Variants in LDLRAD3 observed in about 807,000 individuals in gnomAD.
The protein encoded by LDLRAD3 is low density lipoprotein receptor class A domain containing 3, also known as low-density lipoprotein receptor class A domain-containing protein 3.
LDLRAD3 carries 20 observed loss-of-function variants against 29.4 expected under a neutral mutation model. That is an observed-to-expected ratio of 0.68 (90% confidence interval 0.48 to 0.99). The LOEUF is 0.99. Among genes scored for constraint, LDLRAD3 ranks in the 50% least tolerant of loss-of-function variants. The pLI, the probability that LDLRAD3 is intolerant of heterozygous loss-of-function variation, is 0.00. For synonymous variants in LDLRAD3, 157 were observed against 192.7 expected (o/e 0.81, Z 1.53); for missense variants, 420 against 454.3 (o/e 0.92, Z 0.69).
At chr11:36,141,781 C>A (rs1193276667) in intron 4 of LDLRAD3, among the ~76,000 whole-genome samples, 5 of 152,138 alleles carry the variant, frequency 3.3e-5, no homozygotes, top group Non-Finnish European at 7.4e-5. Context: ...GGAGCACTCT[C>A]CATTACCTGA....
intron 2 of LDLRAD3, among the ~76,000 whole-genome samples, chr11:36,070,861 GCCTGCCCTTGC>G (rs1852889099): frequency 6.6e-6 from 1 of 152,152 alleles, no homozygotes; most frequent in African/African-American, 2.4e-5. Context: ...AAGAGCGAGA[GCCTGCCCTTGC>G]CCTTTGTCAA....
At chr11:36,098,886 GT>G (rs976620255) in intron 4 of LDLRAD3, among the ~76,000 whole-genome samples, 4 of 150,968 alleles carry the variant, frequency 2.6e-5, no homozygotes, top group Non-Finnish European at 5.9e-5. Flanking sequence ...ATGCAGCTGT[GT>G]TTTTTTTTCT....
At chr11:36,042,357 G>A (rs1852393828) in intron 2 of LDLRAD3, among the ~76,000 whole-genome samples, 1 of 152,162 alleles carries the variant, frequency 6.6e-6, no homozygotes, top group African/African-American at 2.4e-5. Context: ...CACACCAAAT[G>A]CCTCTGGAAA....
intron 4 of LDLRAD3, among the ~76,000 whole-genome samples, chr11:36,183,427 T>A (rs1000574038): frequency 6.6e-6 from 1 of 152,240 alleles, no homozygotes; most frequent in African/African-American, 2.4e-5. Flanking sequence ...GTAAAACATG[T>A]TGACCATATT....
chr11:36,101,877 A>T, intron 4 of LDLRAD3: 1 of 331,110 alleles, frequency 3.0e-6, no homozygotes, highest in South Asian at 2.3e-5. Context: ...GATTTGACCC[A>T]CTGTCATCTT....
intron 1 of LDLRAD3, among the ~76,000 whole-genome samples, chr11:35,991,454 A>C (rs1376222937): frequency 6.6e-6 from 1 of 152,090 alleles, no homozygotes; most frequent in Non-Finnish European, 1.5e-5. Context: ...AATTGCGGCC[A>C]GCCAGGGAAG....
At chr11:36,030,899 G>T (rs887937791) in intron 1 of LDLRAD3, among the ~76,000 whole-genome samples, 2 of 152,194 alleles carry the variant, frequency 1.3e-5, no homozygotes, top group Non-Finnish European at 2.9e-5. Flanking sequence ...AGCTGGAAAA[G>T]TCAACATCAC....
At chr11:36,137,231 A>G (rs1854017520) in intron 4 of LDLRAD3, among the ~76,000 whole-genome samples, 1 of 152,162 alleles carries the variant, frequency 6.6e-6, no homozygotes, top group African/African-American at 2.4e-5. Flanking sequence ...CCATTCTGTC[A>G]CTGTTTGTGT....
intron 4 of LDLRAD3, among the ~76,000 whole-genome samples, chr11:36,181,018 T>C (rs1483178689): frequency 6.6e-6 from 1 of 152,014 alleles, no homozygotes; most frequent in Non-Finnish European, 1.5e-5. Flanking sequence ...AGGGATATAT[T>C]ACCTCCTGAA....
intron 1 of LDLRAD3, chr11:35,968,697 AT>A (rs1026569375): frequency 1.3e-5 from 2 of 156,426 alleles, no homozygotes; most frequent in African/African-American, 4.8e-5. Context: ...TTTTAATTTA[AT>A]TTATGTTTAA....
At chr11:36,227,835 C>G (rs1308559429) in intron 5 of LDLRAD3, among the ~76,000 whole-genome samples, 1 of 152,166 alleles carries the variant, frequency 6.6e-6, no homozygotes, top group Non-Finnish European at 1.5e-5. Context: ...AGCTCTGAGC[C>G]TCACCTGCTA....
At chr11:35,960,547 T>C (rs901376552) in intron 1 of LDLRAD3, among the ~76,000 whole-genome samples, 4 of 152,208 alleles carry the variant, frequency 2.6e-5, no homozygotes, top group African/African-American at 9.6e-5. Flanking sequence ...TTAGAGTTTT[T>C]AATTTGTTTC....
intron 2 of LDLRAD3, among the ~76,000 whole-genome samples, chr11:36,066,216 A>G (rs1852790917): frequency 6.8e-6 from 1 of 147,212 alleles, no homozygotes; most frequent in Non-Finnish European, 1.5e-5. Flanking sequence ...TCCCTTAGAT[A>G]TCACCTTTCA....
intron 4 of LDLRAD3, among the ~76,000 whole-genome samples, chr11:36,147,737 A>C (rs1850551864): frequency 6.6e-6 from 1 of 152,036 alleles, no homozygotes; most frequent in Non-Finnish European, 1.5e-5. Flanking sequence ...TGTGATTCTG[A>C]CCTCTTACAT....
Position 36,083,272 on chromosome 11 carries a change from C to T in LDLRAD3, c.319+1494C>T, listed in dbSNP as rs987939818. 3.9e-5 allele frequency among the ~76,000 whole-genome samples: 6 copies of T among 152,150 alleles called. No homozygotes were observed. In the East Asian group the frequency reaches 9.6e-4, roughly 24 times the overall value. On this transcript the variant is annotated intron_variant, in intron 3 of 5. Transcript: ENST00000315571. The stretch of plus-strand genomic sequence containing the variant: ...ACATAGCCACCATTATAGTATCATA[C>T]GGAATAGTTTCACTGCCCTAAACAT...
intron 1 of LDLRAD3, chr11:35,968,125 G>T: frequency 4.5e-6 from 2 of 443,574 alleles, no homozygotes; most frequent in Non-Finnish European, 8.8e-6. Flanking sequence ...GTCTCAGCAG[G>T]CAGCCCTTGT....
intron 4 of LDLRAD3, among the ~76,000 whole-genome samples, chr11:36,166,830 G>A (rs1168646351): frequency 6.6e-6 from 1 of 152,146 alleles, no homozygotes; most frequent in Non-Finnish European, 1.5e-5. Context: ...CAGAGAGAAT[G>A]CATGTCTGTC....
Position 36,229,231 on chromosome 11 carries a change from C to T in LDLRAD3, c.872C>T (p.Pro291Leu), listed in dbSNP as rs1305863066. The T allele has an allele frequency of 1.2e-6, 2 of 1,613,982 alleles. No individual in the cohort carries two copies. Among genetic ancestry groups the T allele is most frequent in the African/African-American group, 1.3e-5 (1 of 74,886 alleles). The change falls in exon 6 of 6, where the codon CCC (proline) becomes CTC (leucine). Residue 291 changes from proline (P) to leucine (L), a missense_variant. This residue lies in a region of LDLRAD3 where 140 missense variants were observed against 139.9 expected (regional missense o/e 1.00). Coordinates refer to ENST00000315571, the MANE Select transcript of LDLRAD3 (RefSeq NM_174902.4). ...GAATCTCTGAACCAAGCCGACCTGC[C>T]CCCCTACCGCTCCCGGTCCGGGAGT... Reference protein sequence around the residue: ...DTESLNQADLPPYRSRSGSAN... With the variant: ...DTESLNQADLLPYRSRSGSAN...
intron 1 of LDLRAD3, among the ~76,000 whole-genome samples, chr11:36,024,303 C>CTA (rs1213236320): frequency 2.0e-5 from 3 of 151,286 alleles, no homozygotes; most frequent in African/African-American, 2.4e-5. Flanking sequence ...CACATTTTAC[C>CTA]TATATATATG....
Sources: allele counts gnomAD v4.1 joint callset (sites outside exome capture counted in the v4.1 genomes callset), GRCh38; gene constraint gnomAD v4.1.1; regional missense constraint gnomAD v4.1.1; transcripts MANE v1.5; gene names NCBI Gene and HGNC (gene_info 2026-07-23, HGNC 2026-07-21).